Variants in ZFHX4 observed in about 807,000 individuals in gnomAD.
The protein encoded by ZFHX4 is zinc finger homeobox protein 4.
ZFHX4 carries 56 observed loss-of-function variants against 267.6 expected under a neutral mutation model. The observed-to-expected ratio is 0.21, with a 90% CI of 0.17 to 0.26. The LOEUF is 0.26. Ranked by LOEUF, ZFHX4 falls within the 10% of genes least tolerant of loss-of-function variation. The pLI is 1.00. For synonymous variants in ZFHX4, 1,778 were observed against 1,665.6 expected (o/e 1.07, Z -1.64); for missense variants, 4,332 against 4,420.0 (o/e 0.98, Z 0.56).
At chr8:76,710,134 G>A (rs570680874) in intron 3 of ZFHX4, among the ~76,000 whole-genome samples, 1 of 152,180 alleles carries the variant, frequency 6.6e-6, no homozygotes, top group Admixed American at 6.5e-5. Flanking sequence ...TCAGTACAAT[G>A]TTTAAATATG....
intron 3 of ZFHX4, among the ~76,000 whole-genome samples, chr8:76,777,017 A>T (rs1810416670): frequency 1.3e-5 from 2 of 152,188 alleles, no homozygotes; most frequent in East Asian, 3.8e-4. Flanking sequence ...GCTAACCCTT[A>T]TTCAACTAAT....
At chr8:76,721,182 A>G (rs534394206) in intron 3 of ZFHX4, among the ~76,000 whole-genome samples, 12 of 152,156 alleles carry the variant, frequency 7.9e-5, no homozygotes, top group Non-Finnish European at 1.5e-4. Flanking sequence ...AGGGCTGACA[A>G]ATTAGAAAAA....
intron 1 of ZFHX4, chr8:76,683,245 C>G (rs1210483626): frequency 1.3e-5 from 2 of 148,582 alleles, no homozygotes; most frequent in Non-Finnish European, 3.0e-5. Flanking sequence ...CCCCCCACCT[C>G]GACCCCTACA....
At chr8:76,746,890 C>T (rs954084702) in intron 3 of ZFHX4, among the ~76,000 whole-genome samples, 9 of 152,136 alleles carry the variant, frequency 5.9e-5, no homozygotes, top group Non-Finnish European at 1.0e-4. Flanking sequence ...ACTACATGGC[C>T]GCAAACTCGA....
At chr8:76,766,780 A>C (rs980592723) in intron 3 of ZFHX4, among the ~76,000 whole-genome samples, 2 of 152,074 alleles carry the variant, frequency 1.3e-5, no homozygotes, top group Admixed American at 1.3e-4. Flanking sequence ...TAATTTTTAA[A>C]AGTACTTTTT....
intron 3 of ZFHX4, among the ~76,000 whole-genome samples, chr8:76,745,594 C>T (rs1378999475): frequency 2.7e-5 from 4 of 148,502 alleles, no homozygotes; most frequent in Admixed American, 1.3e-4. Context: ...TATATATATA[C>T]ATTTTCATCT....
intron 4 of ZFHX4, among the ~76,000 whole-genome samples, chr8:76,806,312 G>A (rs974581445): frequency 2.6e-5 from 4 of 152,080 alleles, no homozygotes; most frequent in Admixed American, 6.6e-5. Context: ...TGAGATGGCC[G>A]TATGAAATTC....
intron 4 of ZFHX4, among the ~76,000 whole-genome samples, chr8:76,798,657 A>G (rs1450818607): frequency 6.6e-6 from 1 of 152,232 alleles, no homozygotes; most frequent in Non-Finnish European, 1.5e-5. Flanking sequence ...CACAAGGGTT[A>G]TTTAGTAATC....
chr8:76,697,527 A>T (rs1167136168), intron 1 of ZFHX4, among the ~76,000 whole-genome samples: 2 of 152,050 alleles, frequency 1.3e-5, no homozygotes, highest in East Asian at 3.9e-4. Context: ...CATGGTAACT[A>T]TGATTTATAA....
At chr8:76,707,174 A>G (rs1342272643) in intron 2 of ZFHX4, among the ~76,000 whole-genome samples, 2 of 152,228 alleles carry the variant, frequency 1.3e-5, no homozygotes, top group African/African-American at 4.8e-5. Flanking sequence ...CACGCATACA[A>G]TATTAGCCAA....
In ZFHX4 at chr8:76,681,300, A is replaced by G; in HGVS notation, c.-367A>G. ...CAGCCATTTTTTTAAACAGGGCTAA[A>G]ACGATAATAATTAGCAGAATAAAGA... On this transcript the variant is annotated 5_prime_UTR_variant, in exon 1 of 11. Transcript: ENST00000651372. The G allele has an allele frequency of 2.5e-6, 1 of 398,710 alleles. No homozygotes were observed. The highest frequency in any genetic ancestry group is 4.4e-6 in the Non-Finnish European group (1 of 225,958). The allele number at this position is 398,710 out of a possible 1,614,324, so 24.7% of individuals were successfully genotyped here.
chr8:76,805,440 A>G (rs1811221336), intron 4 of ZFHX4, among the ~76,000 whole-genome samples: 2 of 152,242 alleles, frequency 1.3e-5, no homozygotes, highest in South Asian at 4.1e-4. Context: ...TGAATTTTTG[A>G]TATGAAGTTT....
chr8:76,697,289 A>G (rs543098203), intron 1 of ZFHX4, among the ~76,000 whole-genome samples: 8 of 152,112 alleles, frequency 5.3e-5, no homozygotes, highest in East Asian at 3.9e-4. Flanking sequence ...ATGTCTTTAC[A>G]TATGAAATAA....
chr8:76,726,101 A>C (rs989397484), intron 3 of ZFHX4, among the ~76,000 whole-genome samples: 1 of 152,168 alleles, frequency 6.6e-6, no homozygotes, highest in Non-Finnish European at 1.5e-5. Context: ...TGAATAGTTC[A>C]TTATGCAAAA....
In ZFHX4 at chr8:76,856,172, T is replaced by G. The variant is rs961753666; in HGVS notation, c.9251T>G (p.Met3084Arg). 1.9e-6 allele frequency: 3 copies of G among 1,613,990 alleles called. No homozygotes were observed. Among genetic ancestry groups the G allele is most frequent in the African/African-American group, 2.7e-5 (2 of 75,060 alleles). Residue 3084 changes from methionine (M) to arginine (R), a missense_variant, in exon 10 of 11, where the codon ATG becomes AGG. Physicochemically the swap from Met to Arg is moderately conservative, Grantham distance 91. Around this residue, in one of 7 missense-constraint regions of ZFHX4, gnomAD observed 1,648 missense variants for 1,625.0 expected, o/e 1.01. Coordinates refer to ENST00000651372, the MANE Select transcript of ZFHX4 (RefSeq NM_024721.5). Reference protein sequence around the residue: ...LGLTVQQPGMMDSSSLHGISL... With the variant: ...LGLTVQQPGMRDSSSLHGISL... The stretch of plus-strand genomic sequence containing the variant: ...TTGACGGTACAGCAGCCAGGCATGA[T>G]GGACAGCAGTTCTCTCCACGGCATC...
chr8:76,776,818 G>C (rs1185422857), intron 3 of ZFHX4, among the ~76,000 whole-genome samples: 1 of 152,046 alleles, frequency 6.6e-6, no homozygotes, highest in South Asian at 2.1e-4. Context: ...AAGTGTCCAT[G>C]AGCGTTAACC....
chr8:76,706,473 G>A lies in ZFHX4; in HGVS notation c.2385G>A (p.Met795Ile). 1 of 1,614,054 alleles carries A rather than the reference G, an allele frequency of 6.2e-7. No individual in the cohort carries two copies. Among genetic ancestry groups the A allele is most frequent in the Non-Finnish European group, 8.5e-7 (1 of 1,179,944 alleles). Reference sequence around the variant, plus strand: ...CCAGCGAAAAGCACATGCATAATATGATGCTTTTGCAGCAGAACATGAAGC... The same window carrying A: ...CCAGCGAAAAGCACATGCATAATATAATGCTTTTGCAGCAGAACATGAAGC... Reference protein sequence around the residue: ...HMTSEKHMHNMMLLQQNMKQI... With the variant: ...HMTSEKHMHNIMLLQQNMKQI... The change falls in exon 2 of 11, where the codon ATG becomes ATA. Residue 795 changes from methionine (M) to isoleucine (I), a missense_variant. Physicochemically the swap from Met to Ile is conservative, Grantham distance 10 (BLOSUM62 1). Around this residue, in one of 7 missense-constraint regions of ZFHX4, gnomAD observed 1,195 missense variants for 1,173.6 expected, o/e 1.02. Transcript: ENST00000651372.
intron 1 of ZFHX4, among the ~76,000 whole-genome samples, chr8:76,690,906 A>G (rs569926391): frequency 5.9e-5 from 9 of 152,192 alleles, no homozygotes; most frequent in Admixed American, 1.3e-4. Context: ...ATGGTAAGGC[A>G]ACTAGAAATT....
intron 3 of ZFHX4, among the ~76,000 whole-genome samples, chr8:76,766,878 A>G (rs1810064889): frequency 6.6e-6 from 1 of 151,980 alleles, no homozygotes; most frequent in Non-Finnish European, 1.5e-5. Flanking sequence ...CTTTTTCAAG[A>G]GACAGTCTGC....
Sources: gnomAD v4.1 joint callset for allele counts (sites outside exome capture counted in the v4.1 genomes callset) on GRCh38, gnomAD v4.1.1 for gene constraint, gnomAD v4.1.1 regional missense constraint, MANE v1.5 for transcripts, NCBI Gene and HGNC (gene_info 2026-07-23, HGNC 2026-07-21) for gene names.